The following GNA11 variants were observed in gnomAD, a reference collection of about 807,000 sequenced individuals.
GNA11 encodes G protein subunit alpha 11.
GNA11 carries 8 observed loss-of-function variants against 38.2 expected under a neutral mutation model. The ratio of observed to expected loss-of-function variants is 0.21; its 90% confidence interval spans 0.12 to 0.38. GNA11 has a LOEUF of 0.38. GNA11 is among the 10% of genes least tolerant of loss of function. GNA11 has a pLI of 1.00. For synonymous variants in GNA11, 211 were observed against 221.4 expected (o/e 0.95, Z 0.42); for missense variants, 268 against 516.3 (o/e 0.52, Z 4.66).
chr19:3,122,949 C>CG lies in GNA11; in HGVS notation c.*1770_*1771insG, dbSNP rs908747806. On this transcript the variant is annotated 3_prime_UTR_variant, in exon 7 of 7. Coordinates refer to ENST00000078429, the MANE Select transcript of GNA11 (RefSeq NM_002067.5). The surrounding 1 kb of genome is among the most constrained non-coding windows in gnomAD (Gnocchi z 7.7). ...GGAGACGGGGCTGGCGGGATACCCC[C>CG]CCCCCGGCTTCCCCACACCACTTCT... 1 of 233,560 alleles carries CG rather than the reference C, an allele frequency of 4.3e-6. No individual in the cohort carries two copies. Among genetic ancestry groups the CG allele is most frequent in the South Asian group, 1.8e-4 (1 of 5,544 alleles). 14.5% of individuals were successfully genotyped at this position (233,560 alleles called of 1,614,324 possible). A position where few individuals can be genotyped will look rare whatever the true frequency, so the allele number is the denominator to read the frequency against.
intron 1 of GNA11, among the ~76,000 whole-genome samples, chr19:3,099,172 G>C (rs931256651): frequency 1.3e-5 from 2 of 152,222 alleles, no homozygotes; most frequent in Non-Finnish European, 2.9e-5. Flanking sequence ...GGAGGTTGGA[G>C]AGGTGTGTGG....
chr19:3,095,876 C>G (rs1017601004), intron 1 of GNA11, among the ~76,000 whole-genome samples: 18 of 152,164 alleles, frequency 1.2e-4, no homozygotes, highest in Admixed American at 2.6e-4. Flanking sequence ...TCCTTCTCCC[C>G]AAGGCACACC....
At chr19:3,101,965 G>A (rs539443082) in intron 1 of GNA11, among the ~76,000 whole-genome samples, 104 of 152,194 alleles carry the variant, frequency 6.8e-4, no homozygotes, top group African/African-American at 2.4e-3. Flanking sequence ...ACTTGGTGAT[G>A]TGCACCTGTA....
At chr19:3,101,344 G>A (rs1188661935) in intron 1 of GNA11, among the ~76,000 whole-genome samples, 1 of 152,168 alleles carries the variant, frequency 6.6e-6, no homozygotes, top group African/African-American at 2.4e-5. Context: ...CCACACTGTG[G>A]GATGAGTGCA....
intron 1 of GNA11, among the ~76,000 whole-genome samples, chr19:3,096,920 A>G (rs1913384942): frequency 6.6e-6 from 1 of 152,100 alleles, no homozygotes; most frequent in South Asian, 2.1e-4. Context: ...GGAGCCAGGG[A>G]CCCCTTTGGG....
In GNA11 at chr19:3,120,345, G is replaced by A. The variant is rs11670197; in HGVS notation, c.890-644G>A. Reference sequence around the variant, plus strand: ...TCCTGTGGGCTCAGAGAGCCCTGGTGGGGGGAGGCCAAGGGACTGGGGCAT... The same window carrying A: ...TCCTGTGGGCTCAGAGAGCCCTGGTAGGGGGAGGCCAAGGGACTGGGGCAT... On this transcript the variant is annotated intron_variant, in intron 6 of 6. Transcript: ENST00000078429. The surrounding 1 kb of genome is among the most constrained non-coding windows in gnomAD (Gnocchi z 5.9). Among the ~76,000 whole-genome samples the A allele has an allele frequency of 6.6e-5, 10 of 152,010 alleles. No homozygotes were observed. The East Asian group carries it at 2.0e-3, about 30-fold the overall frequency.
At position 3,110,351 on chromosome 19, in the gene GNA11, T is replaced by A. The variant is rs11085000; in HGVS notation, c.321+18T>A. The A allele has an allele frequency of 6.9e-6, 11 of 1,593,766 alleles. No homozygotes were observed. Among genetic ancestry groups the A allele is most frequent in the East Asian group, 6.8e-5 (3 of 44,384 alleles). On this transcript the variant is annotated intron_variant, in intron 2 of 6. Transcript: ENST00000078429. The surrounding 1 kb of genome is among the most constrained non-coding windows in gnomAD (Gnocchi z 5.4). ...AGAACAAGGTGAGCCCGCGGGCGCC[T>A]GGGGAGGGGAGCGCCTGGGCAGCTG...
intron 1 of GNA11, among the ~76,000 whole-genome samples, chr19:3,098,100 G>T (rs1484907142): frequency 2.6e-5 from 4 of 152,200 alleles, no homozygotes; most frequent in African/African-American, 9.7e-5. Context: ...TCTAAGCACC[G>T]TCAAAGCCGT....
chr19:3,098,604 C>T (rs1053833677), intron 1 of GNA11, among the ~76,000 whole-genome samples: 9 of 152,246 alleles, frequency 5.9e-5, no homozygotes, highest in East Asian at 1.9e-4. Flanking sequence ...TGGTTAGTTC[C>T]GGAGGCTTCC....
intron 1 of GNA11, among the ~76,000 whole-genome samples, chr19:3,102,593 T>C (rs1261885919): frequency 1.3e-5 from 2 of 151,684 alleles, no homozygotes; most frequent in African/African-American, 2.4e-5. Flanking sequence ...CCATTAGGGG[T>C]CGTGTGACTT....
chr19:3,096,790 T>G (rs1104737), intron 1 of GNA11, among the ~76,000 whole-genome samples: 89,706 of 151,718 alleles, frequency 0.59, 26,779 homozygotes, highest in Middle Eastern at 0.68. Context: ...GGGCCAGGCG[T>G]GGCAGATAGG....
intron 1 of GNA11, among the ~76,000 whole-genome samples, chr19:3,109,884 C>T (rs1428400317): frequency 6.6e-6 from 1 of 152,192 alleles, no homozygotes; most frequent in Non-Finnish European, 1.5e-5. Context: ...CAACAATTGG[C>T]CCCCAGGAAA....
rs1020766180 is a variant in GNA11 at position 3,110,872 on chromosome 19, C to T, written c.321+539C>T. Among the ~76,000 whole-genome samples the T allele has an allele frequency of 1.1e-4, 17 of 152,154 alleles. No individual in the cohort carries two copies. Among genetic ancestry groups the T allele is most frequent in the Admixed American group, 1.1e-3 (17 of 15,282 alleles). ...GGAGTGCAGTGGAATGGTCAAGGCT[C>T]ATCACAGCCTGGACCTTCTGGGCTC... On this transcript the variant is annotated intron_variant, in intron 2 of 6. Coordinates refer to ENST00000078429, the MANE Select transcript of GNA11 (RefSeq NM_002067.5). This position sits in a 1 kb window ranked among gnomAD's most constrained non-coding sequence, Gnocchi z 5.4.
chr19:3,109,448 C>T (rs950355356), intron 1 of GNA11, among the ~76,000 whole-genome samples: 1 of 152,158 alleles, frequency 6.6e-6, no homozygotes, highest in Non-Finnish European at 1.5e-5. Context: ...GGGGTGGTAG[C>T]GTACTCGTCT....
chr19:3,103,519 C>CTTTTTTTTTTTTT lies in GNA11; in HGVS notation c.137-6611_137-6599dup, dbSNP rs760497682. 1.9e-3 allele frequency among the ~76,000 whole-genome samples: 88 copies of CTTTTTTTTTTTTT among 45,814 alleles called. 18 individuals are homozygous for CTTTTTTTTTTTTT. Among genetic ancestry groups the CTTTTTTTTTTTTT allele is most frequent in the African/African-American group, 3.7e-3 (46 of 12,508 alleles). 30.1% of individuals were successfully genotyped at this position (45,814 alleles called of 152,430 possible). A position where few individuals can be genotyped will look rare whatever the true frequency, so the allele number is the denominator to read the frequency against. ...TGAGCCACTGCGCCCGGCCTTGAAT[C>CTTTTTTTTTTTTT]TTTTTTTTTTTTTTTTTTTTTTTTT... On this transcript the variant is annotated intron_variant, in intron 1 of 6. Transcript: ENST00000078429.
intron 1 of GNA11, among the ~76,000 whole-genome samples, chr19:3,102,717 C>T (rs925737482): frequency 2.6e-5 from 4 of 152,312 alleles, no homozygotes; most frequent in Non-Finnish European, 5.9e-5. Flanking sequence ...CATGAGGCCC[C>T]TTGTGAAGCT....
rs373250050 is a variant in GNA11 at position 3,110,348 on chromosome 19, G to A, written c.321+15G>A. ...AGCAGAACAAGGTGAGCCCGCGGGCGCCTGGGGAGGGGAGCGCCTGGGCAG... is the reference window on the plus strand; with the variant it reads ...AGCAGAACAAGGTGAGCCCGCGGGCACCTGGGGAGGGGAGCGCCTGGGCAG... On this transcript the variant is annotated intron_variant, in intron 2 of 6. Coordinates refer to ENST00000078429, the MANE Select transcript of GNA11 (RefSeq NM_002067.5). This position sits in a 1 kb window ranked among gnomAD's most constrained non-coding sequence, Gnocchi z 5.4. The A allele has an allele frequency of 3.5e-5, 56 of 1,599,378 alleles. No individual in the cohort carries two copies. Among genetic ancestry groups the A allele is most frequent in the Admixed American group, 2.3e-4 (14 of 59,748 alleles).
At chr19:3,115,104 G>T in intron 4 of GNA11, 32 bp downstream of exon 4, 1 of 1,599,380 alleles carries the variant, frequency 6.3e-7, no homozygotes, top group Non-Finnish European at 8.5e-7. Flanking sequence ...GCGGGGAGGG[G>T]GCACTGAGAG....
chr19:3,104,837 TG>T (rs1913599659), intron 1 of GNA11, among the ~76,000 whole-genome samples: 1 of 152,158 alleles, frequency 6.6e-6, no homozygotes, highest in African/African-American at 2.4e-5. Flanking sequence ...GTGGGGGTGC[TG>T]GGCGCTTCCT....
Sources: allele counts gnomAD v4.1 joint callset (sites outside exome capture counted in the v4.1 genomes callset), GRCh38; gene constraint gnomAD v4.1.1; non-coding constraint Gnocchi (gnomAD v3.1); transcripts MANE v1.5; gene names NCBI Gene and HGNC (gene_info 2026-07-23, HGNC 2026-07-21).